PTPRN2: variants seen among roughly 807,000 people sequenced by gnomAD.
The protein encoded by PTPRN2 is protein tyrosine phosphatase receptor type N2, also known as receptor-type tyrosine-protein phosphatase N2.
A neutral mutation model predicts 118.8 loss-of-function variants in PTPRN2; 74 were observed. The observed-to-expected ratio is 0.62, with a 90% CI of 0.52 to 0.76. PTPRN2 has a LOEUF of 0.76. PTPRN2 is among the 30% of genes least tolerant of loss of function. PTPRN2 has a pLI of 0.00. For synonymous variants in PTPRN2, 641 were observed against 608.0 expected (o/e 1.05, Z -0.80); for missense variants, 1,481 against 1,394.4 (o/e 1.06, Z -0.99).
At chr7:158,216,728 C>T (rs1226619129) in intron 3 of PTPRN2, among the ~76,000 whole-genome samples, 1 of 152,044 alleles carries the variant, frequency 6.6e-6, no homozygotes, top group Non-Finnish European at 1.5e-5. Context: ...TAGAAAAGAA[C>T]TCAACAATAC....
At chr7:157,753,470 C>G (rs1392436647) in intron 12 of PTPRN2, among the ~76,000 whole-genome samples, 1 of 152,214 alleles carries the variant, frequency 6.6e-6, no homozygotes, top group Non-Finnish European at 1.5e-5. Flanking sequence ...AGCACAGGCA[C>G]CAGCCACCAC....
chr7:157,993,468 G>A (rs779442435), intron 11 of PTPRN2, among the ~76,000 whole-genome samples: 5 of 151,774 alleles, frequency 3.3e-5, no homozygotes, highest in East Asian at 1.9e-4. Context: ...TCCATGACGC[G>A]TCCACCCAGG....
At chr7:157,602,056 T>C (rs1358249291) in intron 16 of PTPRN2, among the ~76,000 whole-genome samples, 1 of 152,196 alleles carries the variant, frequency 6.6e-6, no homozygotes, top group Admixed American at 6.5e-5. Context: ...AAAAATACTA[T>C]GTGCATCACA....
At chr7:157,725,248 A>ACGCAGAGGAC (rs1799474283) in intron 12 of PTPRN2, among the ~76,000 whole-genome samples, 3 of 140,712 alleles carry the variant, frequency 2.1e-5, no homozygotes, top group African/African-American at 8.7e-5. Flanking sequence ...GGATATCCAC[A>ACGCAGAGGAC]TGCAGAGGAG....
At chr7:158,459,909 C>A (rs1818852806) in intron 2 of PTPRN2, among the ~76,000 whole-genome samples, 1 of 100,418 alleles carries the variant, frequency 1.0e-5, no homozygotes, top group South Asian at 3.0e-4. Flanking sequence ...GGTCATCCAG[C>A]TACAGGATGG....
chr7:158,332,823 C>A (rs1286770228), intron 2 of PTPRN2, among the ~76,000 whole-genome samples: 1 of 150,566 alleles, frequency 6.6e-6, no homozygotes, highest in South Asian at 2.1e-4. Context: ...GTACACACTT[C>A]TCACCATAAG....
intron 1 of PTPRN2, among the ~76,000 whole-genome samples, chr7:158,490,898 C>T (rs866937025): frequency 6.6e-6 from 1 of 152,240 alleles, no homozygotes; most frequent in African/African-American, 2.4e-5. Flanking sequence ...GCCGGGCACA[C>T]GCCTGTTTCC....
chr7:157,998,694 G>C (rs920920355), intron 11 of PTPRN2, among the ~76,000 whole-genome samples: 2 of 151,922 alleles, frequency 1.3e-5, no homozygotes, highest in Non-Finnish European at 2.9e-5. Flanking sequence ...GTGTTGGCAG[G>C]CACCTGCAAT....
In PTPRN2 at chr7:158,361,662, C is replaced by A. The variant is rs112154102; in HGVS notation, c.164-44730G>T. Among the ~76,000 whole-genome samples, 530 of 152,276 alleles carry A rather than the reference C, an allele frequency of 3.5e-3. 6 individuals carry two copies. Among genetic ancestry groups the A allele is most frequent in the African/African-American group, 0.012 (497 of 41,564 alleles). On this transcript the variant is annotated intron_variant, in intron 2 of 22. Coordinates refer to ENST00000389418, the MANE Select transcript of PTPRN2 (RefSeq NM_002847.5). ...CCTCAGGACAGGCTGTTAGCAGATG[C>A]CCACCATGGACCTTGGGGGCACTCC...
At position 158,003,550 on chromosome 7, in the gene PTPRN2, C is replaced by T. The variant is rs1805434213; in HGVS notation, c.1723+77748G>A. Among the ~76,000 whole-genome samples, 2 of 152,278 alleles carry T rather than the reference C, an allele frequency of 1.3e-5. No homozygotes were observed. The highest frequency in any genetic ancestry group is 4.1e-4 in the South Asian group (2 of 4,826). On this transcript the variant is annotated intron_variant, in intron 11 of 22. Coordinates refer to ENST00000389418, the MANE Select transcript of PTPRN2 (RefSeq NM_002847.5). The surrounding 1 kb of genome is among the most constrained non-coding windows in gnomAD (Gnocchi z 5.0). ...CCCTGAGGACGTGGCCACGACGCAG[C>T]CACCGTGAGCCAGGGAATGCGGCCC...
chr7:158,392,557 C>T (rs1213461743), intron 2 of PTPRN2, among the ~76,000 whole-genome samples: 6 of 152,204 alleles, frequency 3.9e-5, no homozygotes, highest in South Asian at 2.1e-4. Flanking sequence ...GTGAGGATGG[C>T]AGAACATGTG....
In PTPRN2 at chr7:157,615,474, T is replaced by C; in HGVS notation, c.2344+5888A>G. Reference sequence around the variant, plus strand: ...GCCCCGAGCCTCACGTGGAAACATCTGATGAGCCTTTGCCAATATGCTCGG... The same window carrying C: ...GCCCCGAGCCTCACGTGGAAACATCCGATGAGCCTTTGCCAATATGCTCGG... On this transcript the variant is annotated intron_variant, in intron 15 of 22. Coordinates refer to ENST00000389418, the MANE Select transcript of PTPRN2 (RefSeq NM_002847.5). This position sits in a 1 kb window ranked among gnomAD's most constrained non-coding sequence, Gnocchi z 4.3. The C allele has an allele frequency of 4.2e-6, 2 of 471,202 alleles. No individual in the cohort carries two copies. The highest frequency in any genetic ancestry group is 4.4e-6 in the Non-Finnish European group (1 of 227,062). 29.2% of individuals were successfully genotyped at this position (471,202 alleles called of 1,614,324 possible).
chr7:158,041,234 T>C (rs972721980), intron 11 of PTPRN2, among the ~76,000 whole-genome samples: 1 of 152,300 alleles, frequency 6.6e-6, no homozygotes, highest in Admixed American at 6.5e-5. Context: ...TTGGAAGAGA[T>C]CTACTAGTTA....
rs556289181 is a variant in PTPRN2, at chr7:158,342,160, C to T, written c.164-25228G>A. Among the ~76,000 whole-genome samples, 6 of 148,536 alleles carry T rather than the reference C, an allele frequency of 4.0e-5. No homozygotes were observed. The South Asian group carries it at 1.3e-3, about 32-fold the overall frequency. On this transcript the variant is annotated intron_variant, in intron 2 of 22. Coordinates refer to ENST00000389418, the MANE Select transcript of PTPRN2 (RefSeq NM_002847.5). ...GTCGCCCGCAGAGGTCACTCACACC[C>T]ACACTCTCACCATAAGAGCCGACGC...
At chr7:158,153,534 T>C (rs565150343) in intron 6 of PTPRN2, among the ~76,000 whole-genome samples, 10 of 152,170 alleles carry the variant, frequency 6.6e-5, no homozygotes, top group Admixed American at 2.6e-4. Flanking sequence ...CCTAGAGGTT[T>C]GAGCAGCGGG....
At chr7:157,848,192 C>A (rs1164187857) in intron 12 of PTPRN2, among the ~76,000 whole-genome samples, 1 of 145,756 alleles carries the variant, frequency 6.9e-6, no homozygotes, top group Non-Finnish European at 1.5e-5. Flanking sequence ...TTTACAGAGC[C>A]CTCTCTCACT....
At chr7:158,149,238 C>G (rs909057994) in intron 6 of PTPRN2, among the ~76,000 whole-genome samples, 1 of 152,106 alleles carries the variant, frequency 6.6e-6, no homozygotes, top group Non-Finnish European at 1.5e-5. Flanking sequence ...AAGCTGGCAC[C>G]AATTATAGTA....
intron 5 of PTPRN2, among the ~76,000 whole-genome samples, chr7:158,187,728 C>G (rs564954073): frequency 5.6e-4 from 86 of 152,332 alleles, no homozygotes; most frequent in African/African-American, 1.9e-3. Context: ...AACCGTTTGA[C>G]AGCTGTGCTA....
chr7:157,809,228 G>C (rs1245456821), intron 12 of PTPRN2, among the ~76,000 whole-genome samples: 1 of 151,924 alleles, frequency 6.6e-6, no homozygotes, highest in African/African-American at 2.4e-5. Context: ...TGTGACTCTG[G>C]CCCTGGAGGG....
Sources: allele counts gnomAD v4.1 joint callset (sites outside exome capture counted in the v4.1 genomes callset), GRCh38; gene constraint gnomAD v4.1.1; non-coding constraint Gnocchi (gnomAD v3.1); transcripts MANE v1.5; gene names NCBI Gene and HGNC (gene_info 2026-07-23, HGNC 2026-07-21).